SLA: variants seen among roughly 807,000 people sequenced by gnomAD.
SLA encodes src-like-adapter.
Under a neutral mutation model 30.3 loss-of-function variants are expected in SLA, and 16 were observed. That is an observed-to-expected ratio of 0.53 (90% CI 0.36 to 0.80). The LOEUF (loss-of-function observed/expected upper bound fraction) is 0.80, where lower values mean the gene tolerates loss of function less well. Ranked by LOEUF, SLA falls within the 30% of genes least tolerant of loss-of-function variation. SLA has a pLI of 0.01. For synonymous variants in SLA, 143 were observed against 137.8 expected, an observed-to-expected ratio of 1.04 and a Z score of -0.26; for missense variants, 310 against 345.2, an observed-to-expected ratio of 0.90 and a Z score of 0.81.
At position 133,095,684 on chromosome 8, in the gene SLA, G is replaced by A. The variant is rs374024286; in HGVS notation, c.-319+6869C>T. On this transcript the variant is annotated intron_variant, in intron 1 of 8. Transcript: ENST00000338087. ...TCCCTTTATAGCATGCAAAGTTCTT[G>A]CTTGCAGACCAAATCTCTGGCTGGC... 3.3e-5 allele frequency among the ~76,000 whole-genome samples: 5 copies of A among 152,178 alleles called. No individual in the cohort carries two copies. In the East Asian group the frequency reaches 9.6e-4, roughly 29 times the overall value.
intron 3 of SLA, among the ~76,000 whole-genome samples, chr8:133,053,690 C>A (rs555669467): frequency 1.1e-4 from 16 of 152,238 alleles, no homozygotes; most frequent in Non-Finnish European, 2.1e-4. Context: ...TCTTTCCTAA[C>A]ATTAAAAACA....
At chr8:133,043,607 G>A (rs1006233535) in intron 7 of SLA, among the ~76,000 whole-genome samples, 5 of 152,196 alleles carry the variant, frequency 3.3e-5, no homozygotes, top group African/African-American at 1.2e-4. Flanking sequence ...GGGACCCCAA[G>A]TTCTGAGGGG....
intron 2 of SLA, among the ~76,000 whole-genome samples, chr8:133,074,337 T>C (rs143436384): frequency 6.6e-6 from 1 of 152,286 alleles, no homozygotes; most frequent in Non-Finnish European, 1.5e-5. Flanking sequence ...CATGCACCTT[T>C]AGACATCATG....
chr8:133,088,018 A>C (rs1361648310), intron 1 of SLA, among the ~76,000 whole-genome samples: 1 of 152,226 alleles, frequency 6.6e-6, no homozygotes, highest in Non-Finnish European at 1.5e-5. Context: ...TTAAGAAAGT[A>C]GCGGTTTCAA....
chr8:133,038,414 TA>T lies in SLA; in HGVS notation c.*109del. Reference sequence around the variant, plus strand: ...TCTCCATGTGGCTTCTCTTGGCTTCTAAAATACGTGAGGCTCCCAGGGATCA... The same window carrying T: ...TCTCCATGTGGCTTCTCTTGGCTTCTAAATACGTGAGGCTCCCAGGGATCA... On this transcript the variant is annotated 3_prime_UTR_variant, in exon 9 of 9. Transcript: ENST00000338087. The T allele has an allele frequency of 2.4e-6, 2 of 839,232 alleles. No homozygotes were observed. Among genetic ancestry groups the T allele is most frequent in the Non-Finnish European group, 4.0e-6 (2 of 503,996 alleles). 52.0% of individuals were successfully genotyped at this position (839,232 alleles called of 1,614,324 possible).
At chr8:133,041,626 C>G (rs1415355992) in intron 7 of SLA, among the ~76,000 whole-genome samples, 4 of 152,150 alleles carry the variant, frequency 2.6e-5, no homozygotes, top group Non-Finnish European at 5.9e-5. Context: ...AGGGGACACT[C>G]CGTGAGTGTC....
intron 7 of SLA, among the ~76,000 whole-genome samples, chr8:133,040,512 G>A (rs573147839): frequency 3.2e-4 from 48 of 152,310 alleles, no homozygotes; most frequent in Non-Finnish European, 5.9e-4. Context: ...TGCAGAAGCC[G>A]CAGCCTTCCA....
intron 1 of SLA, among the ~76,000 whole-genome samples, chr8:133,093,227 G>A (rs1420624015): frequency 1.3e-5 from 2 of 151,988 alleles, no homozygotes; most frequent in Non-Finnish European, 2.9e-5. Flanking sequence ...GAGGGCACAA[G>A]AACTCAACAA....
intron 1 of SLA, among the ~76,000 whole-genome samples, chr8:133,101,324 G>A (rs889308782): frequency 1.3e-5 from 2 of 152,158 alleles, no homozygotes; most frequent in Non-Finnish European, 2.9e-5. Context: ...AACCCAATGT[G>A]CCCTTGTATT....
chr8:133,080,443 C>T (rs1845574847), intron 1 of SLA, among the ~76,000 whole-genome samples: 1 of 152,116 alleles, frequency 6.6e-6, no homozygotes, highest in South Asian at 2.1e-4. Context: ...TTTGCTGTCA[C>T]TATTTCACTA....
intron 2 of SLA, among the ~76,000 whole-genome samples, chr8:133,062,795 A>G (rs1842560509): frequency 6.6e-6 from 1 of 152,078 alleles, no homozygotes; most frequent in South Asian, 2.1e-4. Context: ...TATGACATGC[A>G]GAGGCTGCTT....
intron 3 of SLA, chr8:133,059,144 C>T (rs559220065): frequency 4.8e-5 from 22 of 456,278 alleles, no homozygotes; most frequent in Middle Eastern, 3.3e-4. Flanking sequence ...CAGTGAACTC[C>T]GCCCAGGGCG....
intron 1 of SLA, 30 bp downstream of exon 1, chr8:133,102,523 G>T (rs752438805): frequency 1.5e-5 from 23 of 1,550,442 alleles, no homozygotes; most frequent in Middle Eastern, 3.3e-4. Flanking sequence ...CACCCAGGGG[G>T]TCCCAATGAC....
intron 2 of SLA, among the ~76,000 whole-genome samples, chr8:133,064,346 G>A (rs1332538094): frequency 6.6e-6 from 1 of 152,228 alleles, no homozygotes; most frequent in African/African-American, 2.4e-5. Flanking sequence ...TTGCCTTTGT[G>A]TGCTACAGGA....
At chr8:133,063,632 C>A (rs191421835) in intron 2 of SLA, 86 of 152,278 alleles carry the variant, frequency 5.6e-4, no homozygotes, top group African/African-American at 2.0e-3. Context: ...CTGGGTTCTT[C>A]TACGCTAACA....
intron 7 of SLA, among the ~76,000 whole-genome samples, chr8:133,044,059 G>A (rs1337823559): frequency 6.6e-6 from 1 of 152,142 alleles, no homozygotes; most frequent in Non-Finnish European, 1.5e-5. Flanking sequence ...GGAACTACTA[G>A]TGTCTGCCTG....
intron 1 of SLA, among the ~76,000 whole-genome samples, chr8:133,084,668 G>C (rs1846252069): frequency 6.6e-6 from 1 of 152,224 alleles, no homozygotes; most frequent in Admixed American, 6.5e-5. Context: ...ACAGGTGCCT[G>C]CTCTGAACTA....
At chr8:133,094,503 G>A (rs1352112980) in intron 1 of SLA, 1 of 182,346 alleles carries the variant, frequency 5.5e-6, no homozygotes, top group African/African-American at 2.4e-5. Context: ...GCCTCCCAAA[G>A]TGAGAAACCA....
chr8:133,047,452 T>G, intron 6 of SLA: 1 of 206,088 alleles, frequency 4.9e-6, no homozygotes, highest in Non-Finnish European at 1.0e-5. Context: ...GAAAACTGAG[T>G]TCAGACAAAT....
Sources: allele counts gnomAD v4.1 joint callset (sites outside exome capture counted in the v4.1 genomes callset), GRCh38; gene constraint gnomAD v4.1.1; transcripts MANE v1.5; gene names NCBI Gene and HGNC (gene_info 2026-07-23, HGNC 2026-07-21).